The following PSD3 variants were observed in gnomAD, a reference collection of about 807,000 sequenced individuals.
PSD3 encodes pleckstrin and Sec7 domain containing 3.
A neutral mutation model predicts 105.5 loss-of-function variants in PSD3; 49 were observed. The ratio of observed to expected loss-of-function variants is 0.46; its 90% confidence interval spans 0.37 to 0.59. PSD3 has a LOEUF of 0.59. Among genes scored for constraint, PSD3 ranks in the 20% least tolerant of loss-of-function variants. The pLI, the probability that PSD3 is intolerant of heterozygous loss-of-function variation, is 0.00. For missense variants in PSD3, 1,561 were observed against 1,263.8 expected, an observed-to-expected ratio of 1.24 and a Z score of -3.57; for synonymous variants, 557 against 457.8, an observed-to-expected ratio of 1.22 and a Z score of -2.77.
At chr8:18,727,551 AACACACACACAC>A (rs56410753) in intron 9 of PSD3, among the ~76,000 whole-genome samples, 2 of 137,628 alleles carry the variant, frequency 1.5e-5, no homozygotes, top group Non-Finnish European at 3.1e-5. Flanking sequence ...AAAAAATCCA[AACACACACACAC>A]ACACACACAC....
At chr8:18,895,811 A>G (rs1349936458) in intron 2 of PSD3, among the ~76,000 whole-genome samples, 1 of 152,244 alleles carries the variant, frequency 6.6e-6, no homozygotes, top group Non-Finnish European at 1.5e-5. Flanking sequence ...GAAAACATTA[A>G]AAGTCCACTC....
chr8:18,845,974 AATGGT>A (rs1426087769), intron 4 of PSD3, among the ~76,000 whole-genome samples: 3 of 152,218 alleles, frequency 2.0e-5, no homozygotes, highest in Admixed American at 6.5e-5. Flanking sequence ...CGCCTAAATC[AATGGT>A]ATGAGCCTAG....
At chr8:18,753,788 T>A (rs1563226999) in intron 9 of PSD3, among the ~76,000 whole-genome samples, 1 of 152,122 alleles carries the variant, frequency 6.6e-6, no homozygotes, top group Non-Finnish European at 1.5e-5. Flanking sequence ...GTCTCCTTAA[T>A]CAAACCAAGT....
upstream of PSD3, among the ~76,000 whole-genome samples, chr8:19,017,476 A>G (rs142520444): frequency 1.3e-5 from 2 of 152,340 alleles, no homozygotes; most frequent in East Asian, 3.9e-4. Flanking sequence ...ATATTCACAG[A>G]TTTGTGCAAT....
chr8:18,641,964 T>C (rs1160520271), intron 10 of PSD3, among the ~76,000 whole-genome samples: 1 of 152,172 alleles, frequency 6.6e-6, no homozygotes, highest in Non-Finnish European at 1.5e-5. Flanking sequence ...ATGAATTGCA[T>C]TCTATTCTCT....
chr8:18,640,310 C>T (rs575531628), intron 10 of PSD3, among the ~76,000 whole-genome samples: 7 of 152,200 alleles, frequency 4.6e-5, no homozygotes, highest in South Asian at 2.1e-4. Context: ...TTTTACCATG[C>T]AAACCCTCCA....
At chr8:18,977,196 G>A (rs1417176831) in intron 1 of PSD3, among the ~76,000 whole-genome samples, 4 of 147,226 alleles carry the variant, frequency 2.7e-5, no homozygotes, top group Admixed American at 7.0e-5. Flanking sequence ...GAAGGCGGAG[G>A]TTGCAGTGAG....
rs774203727 is a variant in PSD3, at chr8:18,768,116, C to CAAAAAAAAAAAAAAA, written c.2083-2593_2083-2579dup. 9.2e-5 allele frequency among the ~76,000 whole-genome samples: 9 copies of CAAAAAAAAAAAAAAA among 97,320 alleles called. 1 individual carries two copies. The highest frequency in any genetic ancestry group is 1.3e-4 in the Non-Finnish European group (7 of 52,916). 63.8% of individuals were successfully genotyped at this position (97,320 alleles called of 152,430 possible). On this transcript the variant is annotated intron_variant, in intron 8 of 15. Coordinates refer to ENST00000327040, the MANE Select transcript of PSD3 (RefSeq NM_015310.4). ...TAGAATCCTGTCTCTACTGAAAATA[C>CAAAAAAAAAAAAAAA]AAAAAAAAAAAAAAAAAAAAATAGC... is the stretch of plus-strand genomic sequence containing the variant.
chr8:18,930,556 A>C (rs1009144985), intron 2 of PSD3, among the ~76,000 whole-genome samples: 1 of 149,374 alleles, frequency 6.7e-6, no homozygotes, highest in African/African-American at 2.5e-5. Flanking sequence ...TAACTTCTTA[A>C]CTAACTTTTT....
At chr8:18,971,321 G>T (rs1420121788) in intron 1 of PSD3, among the ~76,000 whole-genome samples, 2 of 152,202 alleles carry the variant, frequency 1.3e-5, no homozygotes, top group Non-Finnish European at 2.9e-5. Flanking sequence ...CCACACCACA[G>T]GCTGACCGAG....
intron 4 of PSD3, among the ~76,000 whole-genome samples, chr8:18,810,518 A>T (rs1385667430): frequency 2.6e-5 from 4 of 152,208 alleles, no homozygotes; most frequent in Non-Finnish European, 5.9e-5. Flanking sequence ...TCATACAGGC[A>T]ATAGTATACT....
At chr8:18,976,848 T>C (rs113790445) in intron 1 of PSD3, among the ~76,000 whole-genome samples, 35 of 152,268 alleles carry the variant, frequency 2.3e-4, no homozygotes, top group African/African-American at 8.2e-4. Context: ...AACAATCAAA[T>C]TGTCCATCAA....
intron 2 of PSD3, among the ~76,000 whole-genome samples, chr8:18,875,637 C>A (rs1210375160): frequency 6.6e-6 from 1 of 151,898 alleles, no homozygotes; most frequent in African/African-American, 2.4e-5. Flanking sequence ...CCTGGATACA[C>A]GCCATTCTCC....
At chr8:18,723,584 GA>G (rs571724457) in intron 9 of PSD3, among the ~76,000 whole-genome samples, 1 of 152,116 alleles carries the variant, frequency 6.6e-6, no homozygotes, top group Non-Finnish European at 1.5e-5. Context: ...TGAGGTGGGG[GA>G]AAAAAACCCT....
At chr8:18,766,300 C>T (rs371030219) in intron 8 of PSD3, among the ~76,000 whole-genome samples, 3 of 152,200 alleles carry the variant, frequency 2.0e-5, no homozygotes, top group African/African-American at 7.2e-5. Context: ...CACTACTACA[C>T]TCCAGCCTGG....
rs899841439 is a variant in PSD3 at position 19,040,939 on chromosome 8, C to T, written c.324+43267G>A. 5.3e-5 allele frequency among the ~76,000 whole-genome samples: 8 copies of T among 152,160 alleles called. No individual in the cohort carries two copies. The South Asian group carries it at 6.2e-4, about 12-fold the overall frequency. On this transcript the variant is annotated intron_variant, in intron 1 of 1. Coordinates refer to the PSD3 transcript ENST00000521475. ...ACAGGGTCTCACTCTGTCACCCAGG[C>T]TGGAGTGCAGAGACACGATCATAGC...
At chr8:18,856,607 T>A (rs185200704) in intron 4 of PSD3, among the ~76,000 whole-genome samples, 122 of 152,324 alleles carry the variant, frequency 8.0e-4, no homozygotes, top group African/African-American at 2.8e-3. Flanking sequence ...CTAAAGACTT[T>A]ATAATATTAC....
chr8:18,697,961 C>T (rs1488905676), intron 9 of PSD3, among the ~76,000 whole-genome samples: 2 of 152,184 alleles, frequency 1.3e-5, no homozygotes, highest in East Asian at 1.9e-4. Flanking sequence ...TGTCCATGTC[C>T]TAACTCTCAG....
At chr8:18,868,116 T>G (rs766381834) in intron 3 of PSD3, 47 bp from the exon 4 acceptor site, 7 of 1,521,580 alleles carry the variant, frequency 4.6e-6, no homozygotes, top group Non-Finnish European at 4.4e-6. Context: ...GGTTAATGTC[T>G]TTATTTCTCC....
Sources: gnomAD v4.1 joint callset for allele counts (sites outside exome capture counted in the v4.1 genomes callset) on GRCh38, gnomAD v4.1.1 for gene constraint, MANE v1.5 for transcripts, NCBI Gene and HGNC (gene_info 2026-07-23, HGNC 2026-07-21) for gene names.